ATG4B: variants seen among roughly 807,000 people sequenced by gnomAD.
ATG4B encodes cysteine protease ATG4B.
ATG4B carries 29 observed loss-of-function variants against 56.6 expected under a neutral mutation model. The ratio of observed to expected loss-of-function variants is 0.51; its 90% CI spans 0.38 to 0.70. The LOEUF (loss-of-function observed/expected upper bound fraction) is 0.70. Among genes scored for constraint, ATG4B ranks in the 30% least tolerant of loss-of-function variants. The pLI is 0.00. For synonymous variants in ATG4B, 224 were observed against 206.1 expected (o/e 1.09, Z -0.74); for missense variants, 461 against 515.5 (o/e 0.89, Z 1.02).
At chr2:241,660,122 G>A (rs540973095) in intron 7 of ATG4B, among the ~76,000 whole-genome samples, 3 of 152,246 alleles carry the variant, frequency 2.0e-5, no homozygotes, top group African/African-American at 4.8e-5. Context: ...CCTGGGAGGC[G>A]GAGGTTGCAG....
chr2:241,652,647 C>T (rs1162167394), intron 3 of ATG4B, among the ~76,000 whole-genome samples: 1 of 152,212 alleles, frequency 6.6e-6, no homozygotes, highest in East Asian at 1.9e-4. Flanking sequence ...CAGGTGCACA[C>T]CACCACGCCT....
In ATG4B at chr2:241,668,771, T is replaced by G; in HGVS notation, c.957+86T>G. 1 of 1,506,070 alleles carries G rather than the reference T, an allele frequency of 6.6e-7. No homozygotes were observed. The highest frequency in any genetic ancestry group is 2.5e-5 in the East Asian group (1 of 40,758). The allele number at this position is 1,506,070 out of a possible 1,614,324, so 93.3% of individuals were successfully genotyped here. ...AGGAAAACTTTCGGATTTTTGCGTT[T>G]TTTTTTTCAGCATGTTGGGATAAGT... On this transcript the variant is annotated intron_variant, in intron 10 of 12. Coordinates refer to ENST00000404914, the MANE Select transcript of ATG4B (RefSeq NM_013325.5). This position sits in a 1 kb window ranked among gnomAD's most constrained non-coding sequence, Gnocchi z 4.2.
Position 241,671,358 on chromosome 2 carries a change from T to A in ATG4B, c.1061T>A (p.Leu354Gln), listed in dbSNP as rs7601000. 0.79 allele frequency: 1,271,070 copies of A among 1,613,222 alleles called. 502,868 individuals are homozygous for A. The highest frequency in any genetic ancestry group is 0.93 in the African/African-American group (70,049 of 74,924). ...GALPMFELVE[L>Q]QPSHLACPDV... ...CTGCCCATGTTTGAGCTGGTGGAGC[T>A]GCAGCCTTCACATCTGGCCTGCCCC... The change falls in exon 12 of 13, where the codon CTG (leucine) becomes CAG (glutamine). Residue 354 changes from leucine (L) to glutamine (Q), a missense_variant. By Grantham distance (113) the Leu-to-Gln change is moderately radical (BLOSUM62 -2). Coordinates refer to ENST00000404914, the MANE Select transcript of ATG4B (RefSeq NM_013325.5).
intron 4 of ATG4B, among the ~76,000 whole-genome samples, chr2:241,654,134 G>A (rs1018788226): frequency 6.6e-6 from 1 of 152,022 alleles, no homozygotes; most frequent in Non-Finnish European, 1.5e-5. Flanking sequence ...ACTTTTAAAA[G>A]ATTCTGGGCT....
In ATG4B at chr2:241,651,334, T is replaced by C; in HGVS notation, c.183T>C (p.Ile61=). Residue 61 remains isoleucine, a splice_region_variant and synonymous_variant, in exon 3 of 13, where the codon ATT becomes ATC. Coordinates refer to ENST00000404914, the MANE Select transcript of ATG4B (RefSeq NM_013325.5). This position sits in a 1 kb window ranked among gnomAD's most constrained non-coding sequence, Gnocchi z 4.1. ...CATACAGGAAAAACTTTCCAGCCAT[T>C]GGTAAGTACTCTGTTTTATTACAAC... The part of the protein sequence containing the change: ...WFTYRKNFPA[I]GGTGPTSDTG... The C allele has an allele frequency of 1.3e-6, 2 of 1,590,910 alleles. No individual in the cohort carries two copies. The highest frequency in any genetic ancestry group is 1.7e-6 in the Non-Finnish European group (2 of 1,166,910).
At chr2:241,641,191 G>C (rs1433774044) in intron 1 of ATG4B, among the ~76,000 whole-genome samples, 1 of 152,218 alleles carries the variant, frequency 6.6e-6, no homozygotes, top group Non-Finnish European at 1.5e-5. Context: ...TGGAAGTTGG[G>C]AGAGGGATGG....
chr2:241,670,746 A>C lies in ATG4B; in HGVS notation c.978A>C (p.Glu326Asp). 1 of 1,611,226 alleles carries C rather than the reference A, an allele frequency of 6.2e-7. No homozygotes were observed. Among genetic ancestry groups the C allele is most frequent in the Non-Finnish European group, 8.5e-7 (1 of 1,178,664 alleles). The change falls in exon 11 of 13, where the codon GAA becomes GAC. Residue 326 changes from glutamate to aspartate, a missense_variant. Transcript: ENST00000404914. ...SIAVGFFCKT[E>D]DDFNDWCQQV... ...TTTAGGGGTTTTTCTGTAAGACTGA[A>C]GATGACTTCAATGATTGGTGCCAGC...
chr2:241,653,423 TGGGACTGACCG>T, intron 3 of ATG4B, 78 bp from the exon 4 acceptor site: 1 of 1,551,316 alleles, frequency 6.4e-7, no homozygotes, highest in Non-Finnish European at 8.7e-7. Flanking sequence ...GCCTGTGGTG[TGGGACTGACCG>T]GCTGCCTCCT....
chr2:241,668,825 G>A lies in ATG4B; in HGVS notation c.957+140G>A. The A allele has an allele frequency of 7.8e-7, 1 of 1,281,072 alleles. No homozygotes were observed. Among genetic ancestry groups the A allele is most frequent in the East Asian group, 2.5e-5 (1 of 39,422 alleles). 79.4% of individuals were successfully genotyped at this position (1,281,072 alleles called of 1,614,324 possible). On this transcript the variant is annotated intron_variant, in intron 10 of 12. Coordinates refer to ENST00000404914, the MANE Select transcript of ATG4B (RefSeq NM_013325.5). This position sits in a 1 kb window ranked among gnomAD's most constrained non-coding sequence, Gnocchi z 4.2. Reference sequence around the variant, plus strand: ...GTGTTCACGTGGTTGGGAATCTGAAGGGTATAAGAGCCGGAACTGTGTCCT... The same window carrying A: ...GTGTTCACGTGGTTGGGAATCTGAAAGGTATAAGAGCCGGAACTGTGTCCT...
chr2:241,666,016 TTA>T (rs2068752205), intron 7 of ATG4B, among the ~76,000 whole-genome samples: 1 of 152,208 alleles, frequency 6.6e-6, no homozygotes, highest in Non-Finnish European at 1.5e-5. Context: ...CGTTTTTCGT[TTA>T]TGTTTTGAGC....
intron 7 of ATG4B, among the ~76,000 whole-genome samples, chr2:241,662,825 C>G (rs904888026): frequency 6.7e-6 from 1 of 148,236 alleles, no homozygotes; most frequent in Non-Finnish European, 1.5e-5. Context: ...GCCTATAATC[C>G]CAACTTCAAA....
Position 241,654,735 on chromosome 2 carries a change from C to T in ATG4B, c.385+88C>T, listed in dbSNP as rs141954804. On this transcript the variant is annotated intron_variant, in intron 5 of 12. Transcript: ENST00000404914. ...TTTCCCCTCAGAGCTTTTCTGGTGT[C>T]GTGGGATGTGGAGCAGGAGGCTGTA... The T allele has an allele frequency of 2.6e-4, 277 of 1,066,652 alleles. 1 individual carries two copies. In the African/African-American group the frequency reaches 3.8e-3, roughly 14 times the overall value. The allele number at this position is 1,066,652 out of a possible 1,614,324, so 66.1% of individuals were successfully genotyped here.
intron 1 of ATG4B, among the ~76,000 whole-genome samples, chr2:241,646,534 A>G (rs1319121863): frequency 2.6e-5 from 4 of 152,196 alleles, no homozygotes; most frequent in Non-Finnish European, 5.9e-5. Context: ...TATGCATTCT[A>G]TGGAAACCAT....
Position 241,659,348 on chromosome 2 carries a change from G to T in ATG4B, c.538+161G>T, listed in dbSNP as rs754229257. 4.8e-5 allele frequency: 34 copies of T among 713,522 alleles called. No individual in the cohort carries two copies. The South Asian group carries it at 5.1e-4, about 11-fold the overall frequency. 44.2% of individuals were successfully genotyped at this position (713,522 alleles called of 1,614,324 possible). On this transcript the variant is annotated intron_variant, in intron 7 of 12. Transcript: ENST00000404914. ...TGTGCGCCAAGCCAGATGCACGGTG[G>T]CCTCGCTCTCCTATCCCGGCGGTCA... is the stretch of plus-strand genomic sequence containing the variant.
At chr2:241,654,444 A>ATT in intron 4 of ATG4B, 102 bp from the exon 5 acceptor site, 11 of 559,436 alleles carry the variant, frequency 2.0e-5, no homozygotes, top group Admixed American at 3.3e-5. Context: ...AAAAAAAAAG[A>ATT]TTCTGAAAAA....
intron 6 of ATG4B, among the ~76,000 whole-genome samples, chr2:241,657,873 G>GACT (rs2068457236): frequency 6.6e-6 from 1 of 152,280 alleles, no homozygotes; most frequent in East Asian, 1.9e-4. Flanking sequence ...GACTCAGGCG[G>GACT]GGCTCTACCC....
At position 241,668,247 on chromosome 2, in the gene ATG4B, C is replaced by T. The variant is rs1329680827; in HGVS notation, c.811+26C>T. ...GTGAGTCCAGGGTTCCCACCGTGTC[C>T]CTGTGGGCCTGGGCCTTTTAAGGGC... On this transcript the variant is annotated intron_variant, in intron 9 of 12. Transcript: ENST00000404914. This position sits in a 1 kb window ranked among gnomAD's most constrained non-coding sequence, Gnocchi z 4.2. 3 of 1,569,746 alleles carry T rather than the reference C, an allele frequency of 1.9e-6. No individual in the cohort carries two copies. The South Asian group carries it at 3.5e-5, about 18-fold the overall frequency.
In ATG4B at chr2:241,654,485, A is replaced by G. The variant is rs1248708023; in HGVS notation, c.284-61A>G. The G allele has an allele frequency of 7.6e-6, 9 of 1,191,152 alleles. No homozygotes were observed. In the East Asian group the frequency reaches 1.0e-4, roughly 13 times the overall value. The allele number at this position is 1,191,152 out of a possible 1,614,324, so 73.8% of individuals were successfully genotyped here. A position where few individuals can be genotyped will look rare whatever the true frequency, so the allele number is the denominator to read the frequency against. Reference sequence around the variant, plus strand: ...GGATGCCATCTGTATCTTTAGTGTGAAAGTGAAAACTTGTTTCTCATATTT... The same window carrying G: ...GGATGCCATCTGTATCTTTAGTGTGGAAGTGAAAACTTGTTTCTCATATTT... On this transcript the variant is annotated intron_variant, in intron 4 of 12. Transcript: ENST00000404914.
chr2:241,659,680 CTG>C (rs767208760), intron 7 of ATG4B: 25 of 267,730 alleles, frequency 9.3e-5, no homozygotes, highest in Non-Finnish European at 1.2e-4. Context: ...AGGAGGAAAA[CTG>C]TGGCTCAGTT....
Sources: gnomAD v4.1 joint callset for allele counts (sites outside exome capture counted in the v4.1 genomes callset) on GRCh38, gnomAD v4.1.1 for gene constraint, Gnocchi (gnomAD v3.1) non-coding constraint, MANE v1.5 for transcripts, NCBI Gene and HGNC (gene_info 2026-07-23, HGNC 2026-07-21) for gene names.